Variants in CD96 observed in about 807,000 individuals in gnomAD.
CD96 encodes the protein T-cell surface protein tactile.
CD96 carries 70 observed loss-of-function variants against 71.3 expected under a neutral mutation model. The ratio of observed to expected loss-of-function variants is 0.98; its 90% CI spans 0.81 to 1.20. CD96 has a LOEUF of 1.20. Among genes scored for constraint, CD96 ranks in the 50% most tolerant of loss-of-function variants. The probability of loss-of-function intolerance (pLI) is 0.00; values close to 1 mark genes in which losing one functional copy is unlikely to be tolerated. For synonymous variants in CD96, 248 were observed against 233.0 expected (o/e 1.06, Z -0.59); for missense variants, 742 against 677.5 (o/e 1.10, Z -1.06).
chr3:111,603,684 G>A (rs1378863878), intron 7 of CD96, among the ~76,000 whole-genome samples: 1 of 152,206 alleles, frequency 6.6e-6, no homozygotes, highest in East Asian at 1.9e-4. Context: ...ATTTCTGACT[G>A]TAGCTGTTGA....
chr3:111,593,672 C>T (rs1011045972), intron 5 of CD96: 1 of 1,611,976 alleles, frequency 6.2e-7, no homozygotes, highest in Non-Finnish European at 8.5e-7. Flanking sequence ...GGCTCGCTCC[C>T]TTTTTTCCAC....
At chr3:111,632,383 GATC>G (rs1490456397) in intron 10 of CD96, among the ~76,000 whole-genome samples, 5 of 152,088 alleles carry the variant, frequency 3.3e-5, no homozygotes, top group Non-Finnish European at 5.9e-5. Context: ...CAACATCACT[GATC>G]ATTAGAGAAA....
intron 4 of CD96, among the ~76,000 whole-genome samples, chr3:111,581,290 A>T: frequency 6.6e-6 from 1 of 152,146 alleles, no homozygotes; most frequent in Non-Finnish European, 1.5e-5. Flanking sequence ...AGTCTCATCC[A>T]GTCCTTAACC....
intron 4 of CD96, among the ~76,000 whole-genome samples, chr3:111,583,831 C>T (rs1936580634): frequency 6.6e-6 from 1 of 152,202 alleles, no homozygotes; most frequent in Non-Finnish European, 1.5e-5. Context: ...CCTCCTGGGC[C>T]TCTGGACCTG....
intron 8 of CD96, among the ~76,000 whole-genome samples, chr3:111,608,417 G>T (rs1386293703): frequency 6.6e-6 from 1 of 152,216 alleles, no homozygotes; most frequent in Admixed American, 6.5e-5. Context: ...AAGTCTCAAA[G>T]AATCTGTGAA....
chr3:111,647,151 A>G (rs1939868319), intron 12 of CD96, among the ~76,000 whole-genome samples: 1 of 151,842 alleles, frequency 6.6e-6, no homozygotes, highest in Non-Finnish European at 1.5e-5. Context: ...GTGACAAAAT[A>G]ATCTGTACAC....
At chr3:111,608,970 C>A in intron 8 of CD96, among the ~76,000 whole-genome samples, 1 of 151,738 alleles carries the variant, frequency 6.6e-6, no homozygotes. Flanking sequence ...ATTAAAATGC[C>A]CAGGGAGAGG....
At chr3:111,597,805 A>G (rs1411505871) in intron 5 of CD96, among the ~76,000 whole-genome samples, 3 of 152,070 alleles carry the variant, frequency 2.0e-5, no homozygotes, top group African/African-American at 7.2e-5. Context: ...ATTTAGTATT[A>G]TTTTATTCTG....
At chr3:111,662,195 G>C (rs556056077) in intron 14 of CD96, among the ~76,000 whole-genome samples, 1 of 152,346 alleles carries the variant, frequency 6.6e-6, no homozygotes, top group Admixed American at 6.5e-5. Flanking sequence ...GAGTGGCTGG[G>C]ATGCAGGGCA....
intron 5 of CD96, among the ~76,000 whole-genome samples, chr3:111,590,989 A>T (rs1251125655): frequency 6.6e-6 from 1 of 152,160 alleles, no homozygotes; most frequent in East Asian, 1.9e-4. Flanking sequence ...ATCTAAAGAA[A>T]ATTATCTGTC....
chr3:111,599,347 A>T (rs1312803536), intron 6 of CD96, among the ~76,000 whole-genome samples: 1 of 152,154 alleles, frequency 6.6e-6, no homozygotes, highest in Non-Finnish European at 1.5e-5. Flanking sequence ...TTTTGAGATT[A>T]TTATTGGTTT....
chr3:111,642,526 C>T (rs1294111369), intron 12 of CD96, among the ~76,000 whole-genome samples: 5 of 152,096 alleles, frequency 3.3e-5, no homozygotes, highest in East Asian at 3.9e-4. Flanking sequence ...AAGGGCTGAG[C>T]GCAGTGGCTC....
chr3:111,623,631 T>A (rs1224485829), intron 8 of CD96, 123 bp from the exon 9 acceptor site: 1 of 701,396 alleles, frequency 1.4e-6, no homozygotes, highest in African/African-American at 1.8e-5. Context: ...ATTTATAAAA[T>A]GAGGCTGTTC....
rs148998090 is a variant in CD96 at position 111,554,456 on chromosome 3, T to G, written c.418+9054T>G. ...TTATTTTAAATCTTTGTTGGATAAC[T>G]CCAAAGTCAGAAGCATTTGTTTGTC... is the stretch of plus-strand genomic sequence containing the variant. On this transcript the variant is annotated intron_variant, in intron 2 of 13. Coordinates refer to ENST00000352690, the MANE Select transcript of CD96 (RefSeq NM_005816.5). Among the ~76,000 whole-genome samples the G allele has an allele frequency of 3.3e-4, 50 of 152,278 alleles. 1 individual carries two copies. In the East Asian group the frequency reaches 8.3e-3, roughly 25 times the overall value.
intron 4 of CD96, among the ~76,000 whole-genome samples, chr3:111,579,795 T>C (rs552092709): frequency 6.6e-6 from 1 of 152,298 alleles, no homozygotes; most frequent in East Asian, 1.9e-4. Flanking sequence ...GGCAGAGACC[T>C]CATGATTCAA....
rs1291387740 is a variant in CD96, at chr3:111,637,173, C to G, written c.1322-23C>G. ...TAATATAGTCTCATATAGGTTAACT[C>G]TTCTGATATCTTCTTCCTTTAGCAG... On this transcript the variant is annotated intron_variant, in intron 10 of 13. Transcript: ENST00000352690. 1.1e-5 allele frequency: 14 copies of G among 1,331,616 alleles called. No homozygotes were observed. In the Admixed American group the frequency reaches 2.2e-4, roughly 21 times the overall value. 82.5% of individuals were successfully genotyped at this position (1,331,616 alleles called of 1,614,324 possible).
chr3:111,603,293 A>T (rs2107656314), intron 7 of CD96, among the ~76,000 whole-genome samples: 1 of 152,140 alleles, frequency 6.6e-6, no homozygotes, highest in South Asian at 2.1e-4. Context: ...AAATTCAAAA[A>T]ATCAGCCGGG....
At chr3:111,641,098 A>C (rs920485676) in intron 12 of CD96, among the ~76,000 whole-genome samples, 2 of 152,224 alleles carry the variant, frequency 1.3e-5, no homozygotes, top group Non-Finnish European at 2.9e-5. Flanking sequence ...AAAAATCCAA[A>C]GTACACAGAT....
intron 2 of CD96, 45 bp downstream of exon 2, chr3:111,545,447 T>C (rs777325780): frequency 9.0e-6 from 11 of 1,220,326 alleles, no homozygotes; most frequent in Non-Finnish European, 1.3e-5. Context: ...CAGCTCTCTC[T>C]CATTCAACAA....
Sources: allele counts gnomAD v4.1 joint callset (sites outside exome capture counted in the v4.1 genomes callset), GRCh38; gene constraint gnomAD v4.1.1; transcripts MANE v1.5; gene names NCBI Gene and HGNC (gene_info 2026-07-23, HGNC 2026-07-21).